FHIT: variants seen among roughly 807,000 people sequenced by gnomAD.
FHIT encodes the protein bis(5'-adenosyl)-triphosphatase.
FHIT carries 19 observed loss-of-function variants against 17.9 expected under a neutral mutation model. That is an observed-to-expected ratio of 1.06 (90% confidence interval 0.74 to 1.56). FHIT has a LOEUF of 1.56. FHIT is among the 40% of genes most tolerant of loss of function. FHIT has a pLI of 0.00. For missense variants in FHIT, 248 were observed against 189.2 expected, an observed-to-expected ratio of 1.31 and a Z score of -1.82; for synonymous variants, 81 against 69.7, an observed-to-expected ratio of 1.16 and a Z score of -0.81.
chr3:61,207,015 G>A (rs1034090556), intron 1 of FHIT, among the ~76,000 whole-genome samples: 1 of 152,160 alleles, frequency 6.6e-6, no homozygotes, highest in Non-Finnish European at 1.5e-5. Context: ...TTTATTGAGA[G>A]TTTTTAGCAT....
intron 8 of FHIT, among the ~76,000 whole-genome samples, chr3:59,817,483 G>A (rs1410482136): frequency 6.7e-6 from 1 of 150,282 alleles, no homozygotes; most frequent in African/African-American, 2.4e-5. Context: ...ATCACTTGAG[G>A]CCGGGAGGTC....
At chr3:60,046,890 C>T (rs1701675871) in intron 5 of FHIT, among the ~76,000 whole-genome samples, 1 of 152,158 alleles carries the variant, frequency 6.6e-6, no homozygotes, top group Non-Finnish European at 1.5e-5. Context: ...TTTCTCTGAT[C>T]CCACTGTCCC....
At chr3:61,154,805 A>G (rs2037489374) in intron 2 of FHIT, among the ~76,000 whole-genome samples, 1 of 152,254 alleles carries the variant, frequency 6.6e-6, no homozygotes, top group Non-Finnish European at 1.5e-5. Flanking sequence ...AGCTTATTTA[A>G]TGATACCACT....
At position 60,036,515 on chromosome 3, in the gene FHIT, T is replaced by C. The variant is rs147897325; in HGVS notation, c.104-22363A>G. Among the ~76,000 whole-genome samples, 18 of 152,310 alleles carry C rather than the reference T, an allele frequency of 1.2e-4. No individual in the cohort carries two copies. In the East Asian group the frequency reaches 1.4e-3, roughly 11 times the overall value. ...CTTCGAATACCCTGGAGGCTAGTAA[T>C]ACGTGGTAAGCAATAAAACTTTATT... On this transcript the variant is annotated intron_variant, in intron 5 of 9. Transcript: ENST00000492590.
chr3:61,024,735 T>G (rs1214141358), intron 3 of FHIT, among the ~76,000 whole-genome samples: 4 of 152,216 alleles, frequency 2.6e-5, no homozygotes, highest in Non-Finnish European at 5.9e-5. Flanking sequence ...ATTTTATGAT[T>G]TTAAAGTTTA....
At chr3:60,100,718 A>G (rs183909922) in intron 5 of FHIT, among the ~76,000 whole-genome samples, 3 of 152,294 alleles carry the variant, frequency 2.0e-5, no homozygotes, top group Admixed American at 2.0e-4. Context: ...ATTTATTTCT[A>G]TTACATATGG....
chr3:60,895,709 T>C (rs1705769587), intron 3 of FHIT, among the ~76,000 whole-genome samples: 2 of 148,196 alleles, frequency 1.3e-5, no homozygotes, highest in African/African-American at 5.0e-5. Context: ...TTTCTTTCTT[T>C]CTTTCTTTCT....
chr3:60,083,706 T>C (rs1449172678), intron 5 of FHIT, among the ~76,000 whole-genome samples: 1 of 152,222 alleles, frequency 6.6e-6, no homozygotes, highest in East Asian at 1.9e-4. Flanking sequence ...ATGTATGGCC[T>C]CTATTGCAAC....
At chr3:59,833,224 T>C (rs1701226003) in intron 8 of FHIT, among the ~76,000 whole-genome samples, 1 of 152,168 alleles carries the variant, frequency 6.6e-6, no homozygotes, top group African/African-American at 2.4e-5. Flanking sequence ...TCCTAATCAC[T>C]ACTACCTCAA....
At chr3:61,022,160 G>C (rs143853362) in intron 3 of FHIT, among the ~76,000 whole-genome samples, 1 of 151,968 alleles carries the variant, frequency 6.6e-6, no homozygotes, top group Non-Finnish European at 1.5e-5. Flanking sequence ...ATGATAAAGG[G>C]GATATCACAA....
At chr3:60,814,566 C>T (rs374792069) in intron 4 of FHIT, among the ~76,000 whole-genome samples, 3 of 152,142 alleles carry the variant, frequency 2.0e-5, no homozygotes, top group East Asian at 1.9e-4. Context: ...CATAATATCC[C>T]ATGATATACA....
At chr3:60,251,112 T>C (rs1304021177) in intron 5 of FHIT, among the ~76,000 whole-genome samples, 3 of 152,224 alleles carry the variant, frequency 2.0e-5, no homozygotes, top group African/African-American at 4.8e-5. Context: ...TTGAGCTTTA[T>C]GCAATCGAGG....
At chr3:60,170,193 G>A (rs1983536) in intron 5 of FHIT, among the ~76,000 whole-genome samples, 23,273 of 152,088 alleles carry the variant, frequency 0.15, 2,150 homozygotes, top group African/African-American at 0.25. Flanking sequence ...TTGACAGCAG[G>A]TTAATAAGAT....
chr3:60,219,760 A>G (rs1703874875), intron 5 of FHIT, among the ~76,000 whole-genome samples: 1 of 152,090 alleles, frequency 6.6e-6, no homozygotes, highest in African/African-American at 2.4e-5. Flanking sequence ...CCAGAAGCTA[A>G]TGAAGTAAAA....
At chr3:60,420,824 C>T (rs1424761092) in intron 5 of FHIT, among the ~76,000 whole-genome samples, 2 of 152,150 alleles carry the variant, frequency 1.3e-5, no homozygotes, top group African/African-American at 4.8e-5. Context: ...TACTGTCCAA[C>T]ACACATAATG....
chr3:60,952,240 T>TC lies in FHIT; in HGVS notation c.-111+89806dup, dbSNP rs570927916. Among the ~76,000 whole-genome samples the TC allele has an allele frequency of 2.3e-3, 314 of 139,306 alleles. 3 individuals carry two copies. The highest frequency in any genetic ancestry group is 0.012 in the Middle Eastern group (3 of 248). The allele number at this position is 139,306 out of a possible 152,430, so 91.4% of individuals were successfully genotyped here. A position where few individuals can be genotyped will look rare whatever the true frequency, so the allele number is the denominator to read the frequency against. ...ATACCACACCGAATCAGTCGATCAATCCACTGACCACAGATTGTAATCTCG... is the reference window on the plus strand; with the variant it reads ...ATACCACACCGAATCAGTCGATCAATCCCACTGACCACAGATTGTAATCTCG... On this transcript the variant is annotated intron_variant, in intron 3 of 9. Transcript: ENST00000492590.
intron 3 of FHIT, among the ~76,000 whole-genome samples, chr3:60,868,367 CTT>C (rs2107047837): frequency 6.6e-6 from 1 of 152,250 alleles, no homozygotes; most frequent in East Asian, 1.9e-4. Context: ...CAAGGCAATG[CTT>C]TCTCTCTCTA....
chr3:60,928,082 G>A (rs552275371), intron 3 of FHIT, among the ~76,000 whole-genome samples: 1 of 152,262 alleles, frequency 6.6e-6, no homozygotes, highest in African/African-American at 2.4e-5. Flanking sequence ...TGCAAGATGT[G>A]CTTTATTAAA....
chr3:60,861,959 A>T (rs78774721), intron 3 of FHIT, among the ~76,000 whole-genome samples: 4 of 151,250 alleles, frequency 2.6e-5, no homozygotes, highest in African/African-American at 9.7e-5. Flanking sequence ...AAAAAAAAAA[A>T]GGCCGGTTTG....
Sources: gnomAD v4.1 joint callset for allele counts (sites outside exome capture counted in the v4.1 genomes callset) on GRCh38, gnomAD v4.1.1 for gene constraint, MANE v1.5 for transcripts, NCBI Gene and HGNC (gene_info 2026-07-23, HGNC 2026-07-21) for gene names.